WT1: variants seen among roughly 807,000 people sequenced by gnomAD.
The protein encoded by WT1 is Wilms tumor protein.
Under a neutral mutation model 60.8 loss-of-function variants are expected in WT1, and 8 were observed. That is an observed-to-expected ratio of 0.13 (90% confidence interval 0.08 to 0.24). The LOEUF (loss-of-function observed/expected upper bound fraction) is 0.24. Among genes scored for constraint, WT1 ranks in the 10% least tolerant of loss-of-function variants. The probability of loss-of-function intolerance (pLI) is 1.00; values close to 1 mark genes in which losing one functional copy is unlikely to be tolerated. For synonymous variants in WT1, 312 were observed against 297.1 expected (o/e 1.05, Z -0.52); for missense variants, 568 against 711.8 (o/e 0.80, Z 2.30).
intron 6 of WT1, among the ~76,000 whole-genome samples, chr11:32,397,482 A>AT (rs34861119): frequency 0.31 from 43,600 of 139,650 alleles, 7,777 homozygotes; most frequent in East Asian, 0.7. Context: ...TGCCCAGCTA[A>AT]TTTTTTTTTT....
intron 1 of WT1, among the ~76,000 whole-genome samples, chr11:32,429,671 G>A (rs1049170849): frequency 5.3e-5 from 8 of 152,058 alleles, no homozygotes; most frequent in Admixed American, 6.6e-5. Flanking sequence ...TACAAGTTCC[G>A]GAGTCTGTGG....
At chr11:32,421,506 C>T (rs1852853471) in intron 3 of WT1, among the ~76,000 whole-genome samples, 1 of 152,110 alleles carries the variant, frequency 6.6e-6, no homozygotes, top group Non-Finnish European at 1.5e-5. Flanking sequence ...TTTAAAGTCA[C>T]TTGTTTCCTA....
chr11:32,435,129 C>G lies in WT1; in HGVS notation c.232G>C (p.Val78Leu). The change falls in exon 1 of 10, where the codon GTG becomes CTG. Residue 78 changes from valine to leucine, a missense_variant. Coordinates refer to ENST00000452863, the MANE Select transcript of WT1 (RefSeq NM_024426.6). ...GGCAGCAGCGCGTTCAGGTCCCGCA[C>G]GTCGGAGCCCATTTGCTGCGGCTCA... The G allele has an allele frequency of 6.6e-7, 1 of 1,518,314 alleles. No individual in the cohort carries two copies. Among genetic ancestry groups the G allele is most frequent in the Non-Finnish European group, 8.8e-7 (1 of 1,140,622 alleles). The allele number at this position is 1,518,314 out of a possible 1,614,324, so 94.1% of individuals were successfully genotyped here.
intron 1 of WT1, chr11:32,430,582 T>C: frequency 4.4e-6 from 7 of 1,602,134 alleles, no homozygotes; most frequent in Non-Finnish European, 6.0e-6. Context: ...CACTGCACAA[T>C]CCTCAGAGCC....
At chr11:32,417,778 A>C in intron 3 of WT1, 124 bp from the exon 4 acceptor site, 1 of 789,518 alleles carries the variant, frequency 1.3e-6, no homozygotes, top group Non-Finnish European at 2.2e-6. Context: ...CCAGAATGAC[A>C]GAATATGCAA....
intron 6 of WT1, among the ~76,000 whole-genome samples, chr11:32,398,446 C>A (rs1852040488): frequency 6.6e-6 from 1 of 152,190 alleles, no homozygotes; most frequent in South Asian, 2.1e-4. Context: ...AGGTGGCAGA[C>A]CAAAAGTGTC....
chr11:32,400,365 G>A, intron 5 of WT1: 1 of 435,630 alleles, frequency 2.3e-6, no homozygotes, highest in African/African-American at 2.0e-5. Flanking sequence ...TTACCATCTA[G>A]ACGGCAGGGC....
chr11:32,396,184 T>A (rs1402454858), intron 7 of WT1, 73 bp downstream of exon 7: 2 of 1,603,128 alleles, frequency 1.2e-6, no homozygotes, highest in Admixed American at 3.3e-5. Flanking sequence ...ACCTGGGTCC[T>A]TAGCAGTGTG....
chr11:32,413,307 C>G (rs1852560359), intron 5 of WT1, among the ~76,000 whole-genome samples: 1 of 152,188 alleles, frequency 6.6e-6, no homozygotes, highest in Non-Finnish European at 1.5e-5. Flanking sequence ...TGTCAAGACA[C>G]TAGTTATGAA....
chr11:32,421,184 CTT>C (rs1852842752), intron 3 of WT1, among the ~76,000 whole-genome samples: 1 of 152,232 alleles, frequency 6.6e-6, no homozygotes, highest in South Asian at 2.1e-4. Flanking sequence ...GCTCTGATCT[CTT>C]TGGGCAATCG....
intron 1 of WT1, among the ~76,000 whole-genome samples, chr11:32,430,096 G>A (rs1853227553): frequency 1.3e-5 from 2 of 151,824 alleles, no homozygotes; most frequent in East Asian, 1.9e-4. Context: ...CCTAACTCCC[G>A]GATAGTACAG....
At chr11:32,430,616 G>A (rs766680590) in intron 1 of WT1, 1 of 1,557,222 alleles carries the variant, frequency 6.4e-7, no homozygotes, top group Non-Finnish European at 8.7e-7. Context: ...GTCCGTGCCC[G>A]GCGAGGGCCG....
intron 5 of WT1, 167 bp from the exon 6 acceptor site, chr11:32,400,211 G>A: frequency 1.2e-6 from 1 of 800,716 alleles, no homozygotes; most frequent in East Asian, 2.7e-5. Flanking sequence ...TTCTGCGGAG[G>A]GCGAGGCCCC....
chr11:32,390,102 C>A (rs5030306), intron 9 of WT1, among the ~76,000 whole-genome samples: 165 of 152,262 alleles, frequency 1.1e-3, no homozygotes, highest in Non-Finnish European at 1.9e-3. Context: ...TTCCAGAGCC[C>A]GTGCTCTTCC....
At chr11:32,417,422 AC>A in intron 4 of WT1, 154 bp downstream of exon 4, 1 of 700,612 alleles carries the variant, frequency 1.4e-6, no homozygotes. Flanking sequence ...AACACAACTC[AC>A]CAACTAGGGG....
intron 5 of WT1, among the ~76,000 whole-genome samples, chr11:32,409,731 C>T (rs144207747): frequency 2.0e-5 from 3 of 152,214 alleles, no homozygotes; most frequent in East Asian, 3.9e-4. Flanking sequence ...CAAGCATGAG[C>T]CACCGAGCCT....
rs1351753257 is a variant in WT1 at position 32,435,333 on chromosome 11, C to A, written c.28G>T (p.Ala10Ser). The change falls in exon 1 of 10, where the codon GCT becomes TCT. Residue 10 changes from alanine (A) to serine (S), a missense_variant. This residue lies in a region of WT1 where 523 missense variants were observed against 565.1 expected (regional missense o/e 0.93). Transcript: ENST00000452863. ...GCCGGCTCCGGGACACACGTGGAAG[C>A]CGGGTCCTGCAGCAAGAGGAAGTCC... The A allele has an allele frequency of 5.9e-6, 9 of 1,531,432 alleles. 1 individual carries two copies. In the Admixed American group the frequency reaches 1.6e-4, roughly 27 times the overall value. The allele number at this position is 1,531,432 out of a possible 1,614,324, so 94.9% of individuals were successfully genotyped here.
rs145898075 is a variant in WT1 at position 32,401,906 on chromosome 11, C to T, written c.1017-1862G>A. The stretch of plus-strand genomic sequence containing the variant: ...CTGTCAGCACTGAGAATTCCATTCT[C>T]TGCCTCCATTACTCTAACAGTTGGT... On this transcript the variant is annotated intron_variant, in intron 5 of 9. Coordinates refer to ENST00000452863, the MANE Select transcript of WT1 (RefSeq NM_024426.6). Among the ~76,000 whole-genome samples, 264 of 152,308 alleles carry T rather than the reference C, an allele frequency of 1.7e-3. 3 individuals carry two copies. In the Middle Eastern group the frequency reaches 0.02, roughly 12 times the overall value.
intron 6 of WT1, among the ~76,000 whole-genome samples, chr11:32,397,149 T>G (rs959873114): frequency 1.3e-5 from 2 of 152,160 alleles, no homozygotes; most frequent in Admixed American, 1.3e-4. Context: ...GAATAAGAAC[T>G]GGAGGAAAAC....
Sources: allele counts gnomAD v4.1 joint callset (sites outside exome capture counted in the v4.1 genomes callset), GRCh38; gene constraint gnomAD v4.1.1; regional missense constraint gnomAD v4.1.1; transcripts MANE v1.5; gene names NCBI Gene and HGNC (gene_info 2026-07-23, HGNC 2026-07-21).